The following LPP variants were observed in gnomAD, a reference collection of about 807,000 sequenced individuals.
LPP encodes the protein LIM domain containing preferred translocation partner in lipoma.
A neutral mutation model predicts 60.4 loss-of-function variants in LPP; 38 were observed. The ratio of observed to expected loss-of-function variants is 0.63; its 90% CI spans 0.49 to 0.83. The LOEUF (loss-of-function observed/expected upper bound fraction) is 0.83, where lower values mean the gene tolerates loss of function less well. LPP is among the 40% of genes least tolerant of loss of function. The pLI is 0.00. For synonymous variants in LPP, 328 were observed against 290.8 expected (o/e 1.13, Z -1.30); for missense variants, 902 against 783.6 (o/e 1.15, Z -1.80).
At chr3:188,716,021 G>A (rs893671403) in intron 8 of LPP, among the ~76,000 whole-genome samples, 4 of 152,182 alleles carry the variant, frequency 2.6e-5, no homozygotes, top group African/African-American at 4.8e-5. Context: ...GCAGAAGTAT[G>A]TGAGCCTTAA....
intron 2 of LPP, among the ~76,000 whole-genome samples, chr3:188,240,985 T>C (rs1205502797): frequency 6.6e-6 from 1 of 152,356 alleles, no homozygotes; most frequent in Non-Finnish European, 1.5e-5. Context: ...TGAAAAATGT[T>C]AAGATGTTAC....
intron 4 of LPP, among the ~76,000 whole-genome samples, chr3:188,407,791 T>TTTTTTTTTTTTTTTTTTTTTTTTTTG (rs1783984681): frequency 2.9e-5 from 1 of 34,136 alleles, no homozygotes; most frequent in African/African-American, 4.9e-5. Context: ...TTTGTTTGTT[T>TTTTTTTTTTTTTTTTTTTTTTTTTTG]TTTTTTTTTT....
intron 9 of LPP, among the ~76,000 whole-genome samples, chr3:188,830,446 A>T (rs1756851571): frequency 6.6e-6 from 1 of 151,850 alleles, no homozygotes; most frequent in African/African-American, 2.4e-5. Context: ...CTACTAAAAA[A>T]GTACAAAAAA....
intron 7 of LPP, among the ~76,000 whole-genome samples, chr3:188,656,237 AGG>A (rs1853183172): frequency 6.6e-6 from 1 of 150,718 alleles, no homozygotes; most frequent in South Asian, 2.1e-4. Context: ...TTTAGAAAGA[AGG>A]TCTGTGCCCA....
At chr3:188,227,209 T>C (rs576094425) in intron 2 of LPP, among the ~76,000 whole-genome samples, 14 of 151,892 alleles carry the variant, frequency 9.2e-5, no homozygotes, top group African/African-American at 3.4e-4. Flanking sequence ...ATTTATACTT[T>C]AAGTTTTAGG....
At chr3:188,160,579 T>G (rs1401706823) in intron 1 of LPP, among the ~76,000 whole-genome samples, 1 of 152,264 alleles carries the variant, frequency 6.6e-6, no homozygotes, top group Admixed American at 6.5e-5. Flanking sequence ...GTTGTAAACC[T>G]GTGATTCTAG....
intron 3 of LPP, among the ~76,000 whole-genome samples, chr3:188,367,692 T>A (rs1771633311): frequency 6.6e-6 from 1 of 152,230 alleles, no homozygotes; most frequent in South Asian, 2.1e-4. Flanking sequence ...ACTAGATTCA[T>A]AAATGGTCAA....
chr3:188,465,869 GT>G (rs1800246235), intron 4 of LPP, among the ~76,000 whole-genome samples: 1 of 152,096 alleles, frequency 6.6e-6, no homozygotes. Flanking sequence ...GTACACCTTA[GT>G]TTTAGAAATG....
chr3:188,250,744 TTCTTTCTTTCTTTCTTTC>T (rs1335865563), intron 2 of LPP, among the ~76,000 whole-genome samples: 1 of 104,790 alleles, frequency 9.5e-6, no homozygotes, highest in East Asian at 2.2e-4. Context: ...CTTTCTTTCT[TTCTTTCTTTCTTTCTTTC>T]TTTCTTTCTT....
At chr3:188,492,622 G>A (rs1351826291) in intron 5 of LPP, among the ~76,000 whole-genome samples, 6 of 152,146 alleles carry the variant, frequency 3.9e-5, no homozygotes, top group Non-Finnish European at 8.8e-5. Context: ...CTTGAACCCA[G>A]TAGACAGAGG....
chr3:188,702,301 C>T (rs142740719), intron 7 of LPP, among the ~76,000 whole-genome samples: 38 of 151,714 alleles, frequency 2.5e-4, no homozygotes, highest in African/African-American at 8.4e-4. Context: ...TCCTGAAATG[C>T]CTTTAACTTT....
chr3:188,510,787 T>C (rs1815231741), intron 5 of LPP, among the ~76,000 whole-genome samples: 1 of 152,240 alleles, frequency 6.6e-6, no homozygotes, highest in Non-Finnish European at 1.5e-5. Flanking sequence ...ATGCTCATGT[T>C]GTAAATATGT....
intron 9 of LPP, among the ~76,000 whole-genome samples, chr3:188,859,037 C>T (rs1399303592): frequency 1.4e-5 from 2 of 144,240 alleles, no homozygotes; most frequent in Admixed American, 7.3e-5. Context: ...TGCAGTGAGC[C>T]GAGATCGCGC....
At chr3:188,219,698 CCAA>C (rs763940117) in intron 1 of LPP, among the ~76,000 whole-genome samples, 13 of 152,176 alleles carry the variant, frequency 8.5e-5, no homozygotes, top group Admixed American at 2.0e-4. Flanking sequence ...TAAATGGACA[CCAA>C]CATCGGTCCA....
chr3:188,711,160 A>G (rs1866552640), intron 8 of LPP: 1 of 152,244 alleles, frequency 6.6e-6, no homozygotes, highest in Admixed American at 6.5e-5. Context: ...CCTAGCAACA[A>G]TAGAACGTAT....
At position 188,483,569 on chromosome 3, in the gene LPP, G is replaced by T. The variant is rs7645311; in HGVS notation, c.194-1023G>T. 2.0e-5 allele frequency among the ~76,000 whole-genome samples: 3 copies of T among 151,926 alleles called. No homozygotes were observed. The South Asian group carries it at 6.2e-4, about 31-fold the overall frequency. ...TAGAAGTTTCTGTTTCCCCAATACA[G>T]TTTTTTGCAGACTATTTAAAAAGGT... On this transcript the variant is annotated intron_variant, in intron 4 of 11. Coordinates refer to ENST00000617246, the MANE Select transcript of LPP (RefSeq NM_001375462.1).
chr3:188,594,154 C>T lies in LPP; in HGVS notation c.430-15007C>T, dbSNP rs548151202. On this transcript the variant is annotated intron_variant, in intron 6 of 11. Transcript: ENST00000617246. ...AAACTTAAGAATGTGTAAGAATTAC[C>T]TAGGCCATAGCACTTACACATGGAA... Among the ~76,000 whole-genome samples the T allele has an allele frequency of 6.6e-5, 10 of 152,222 alleles. No homozygotes were observed. The South Asian group carries it at 2.1e-3, about 32-fold the overall frequency.
intron 7 of LPP, among the ~76,000 whole-genome samples, chr3:188,700,656 A>G (rs1864220443): frequency 6.6e-6 from 1 of 152,024 alleles, no homozygotes; most frequent in Admixed American, 6.6e-5. Context: ...GGCTGCAGAA[A>G]CCCTGTGACC....
intron 9 of LPP, among the ~76,000 whole-genome samples, chr3:188,783,210 CT>C (rs1456327033): frequency 1.3e-5 from 2 of 152,144 alleles, no homozygotes; most frequent in African/African-American, 2.4e-5. Context: ...GTAGCTATTG[CT>C]TTATCCCTTC....
Sources: allele counts gnomAD v4.1 joint callset (sites outside exome capture counted in the v4.1 genomes callset), GRCh38; gene constraint gnomAD v4.1.1; transcripts MANE v1.5; gene names NCBI Gene and HGNC (gene_info 2026-07-23, HGNC 2026-07-21).